NDUFAF2: variants seen among roughly 807,000 people sequenced by gnomAD.
NDUFAF2 encodes NADH dehydrogenase [ubiquinone] 1 alpha subcomplex assembly factor 2.
A neutral mutation model predicts 22.8 loss-of-function variants in NDUFAF2; 13 were observed. That is an observed-to-expected ratio of 0.57 (90% confidence interval 0.37 to 0.91). The LOEUF is 0.91. Ranked by LOEUF, NDUFAF2 falls within the 40% of genes least tolerant of loss-of-function variation. The pLI is 0.01. For missense variants in NDUFAF2, 162 were observed against 195.2 expected (o/e 0.83, Z 1.01); for synonymous variants, 53 against 64.2 (o/e 0.83, Z 0.84).
intron 1 of NDUFAF2, among the ~76,000 whole-genome samples, chr5:60,962,738 C>A (rs1238292357): frequency 1.3e-5 from 2 of 150,812 alleles, no homozygotes; most frequent in African/African-American, 4.9e-5. Context: ...GAGTCTGAGG[C>A]AGGAGAATTG....
At chr5:61,136,300 C>G (rs762370118) in intron 3 of NDUFAF2, among the ~76,000 whole-genome samples, 7 of 151,798 alleles carry the variant, frequency 4.6e-5, no homozygotes, top group Non-Finnish European at 8.8e-5. Context: ...AAGTCTGTTT[C>G]CCAATTTGAT....
chr5:61,132,977 A>C (rs1753131576), intron 3 of NDUFAF2, among the ~76,000 whole-genome samples: 1 of 151,836 alleles, frequency 6.6e-6, no homozygotes, highest in African/African-American at 2.4e-5. Flanking sequence ...CTGTCTTCAT[A>C]ATGGTGGCGG....
At chr5:61,122,219 A>G (rs538350584) in intron 3 of NDUFAF2, among the ~76,000 whole-genome samples, 89 of 152,240 alleles carry the variant, frequency 5.8e-4, no homozygotes, top group African/African-American at 2.0e-3. Flanking sequence ...GCCTTTCTCC[A>G]TAATCATGAG....
At chr5:61,050,441 G>T (rs575506011) in intron 1 of NDUFAF2, 1 of 151,890 alleles carries the variant, frequency 6.6e-6, no homozygotes, top group East Asian at 1.9e-4. Context: ...CTATTGTTGC[G>T]CAAATGATAC....
At chr5:61,015,036 T>C (rs1408488139) in intron 1 of NDUFAF2, among the ~76,000 whole-genome samples, 1 of 152,204 alleles carries the variant, frequency 6.6e-6, no homozygotes, top group Non-Finnish European at 1.5e-5. Flanking sequence ...TCCTTTTTCT[T>C]GTTTGTTACC....
chr5:61,090,851 T>G (rs1399234848), intron 2 of NDUFAF2, among the ~76,000 whole-genome samples: 2 of 152,000 alleles, frequency 1.3e-5, no homozygotes, highest in Non-Finnish European at 2.9e-5. Context: ...TCCTCCACCC[T>G]CCAATAGGCT....
intron 3 of NDUFAF2, among the ~76,000 whole-genome samples, chr5:61,103,535 G>A (rs900294480): frequency 2.6e-5 from 4 of 151,908 alleles, no homozygotes; most frequent in Non-Finnish European, 5.9e-5. Flanking sequence ...ACTATTAGCT[G>A]TTTGGCACAG....
rs1020566670 is a variant in NDUFAF2, at chr5:61,095,826, G to A, written c.218-3166G>A. ...CCTGGCTCCATGTCGCTCCAGGGTG[G>A]GCTGTTGTGCTGTCTTGCTTTTCTT... On this transcript the variant is annotated intron_variant, in intron 2 of 3. Transcript: ENST00000296597. 5.3e-5 allele frequency among the ~76,000 whole-genome samples: 8 copies of A among 152,176 alleles called. No individual in the cohort carries two copies. In the South Asian group the frequency reaches 1.4e-3, roughly 28 times the overall value.
At chr5:61,084,423 T>C (rs1752481099) in intron 2 of NDUFAF2, among the ~76,000 whole-genome samples, 2 of 152,158 alleles carry the variant, frequency 1.3e-5, no homozygotes, top group Non-Finnish European at 2.9e-5. Flanking sequence ...CAGAACTTTT[T>C]TCATCTTCCC....
chr5:61,129,225 G>A (rs1415428485), intron 3 of NDUFAF2, among the ~76,000 whole-genome samples: 3 of 152,314 alleles, frequency 2.0e-5, no homozygotes, highest in Non-Finnish European at 4.4e-5. Flanking sequence ...CATTGTGGAA[G>A]ACAGTGTGGG....
intron 1 of NDUFAF2, among the ~76,000 whole-genome samples, chr5:60,977,153 T>C (rs1175937638): frequency 6.6e-6 from 1 of 151,580 alleles, no homozygotes. Flanking sequence ...ACTGGTGGAG[T>C]GTGGTGGCTC....
At chr5:61,030,742 C>A (rs1291349597) in intron 1 of NDUFAF2, among the ~76,000 whole-genome samples, 1 of 151,988 alleles carries the variant, frequency 6.6e-6, no homozygotes, top group Non-Finnish European at 1.5e-5. Flanking sequence ...GTTTCCTCTT[C>A]TTTCTTCTTT....
At chr5:60,984,106 G>A (rs369924079) in intron 1 of NDUFAF2, among the ~76,000 whole-genome samples, 5 of 152,258 alleles carry the variant, frequency 3.3e-5, no homozygotes, top group South Asian at 4.2e-4. Context: ...TCCTTGAAGA[G>A]GTCCTTCACG....
chr5:60,997,583 A>T lies in NDUFAF2; in HGVS notation c.127+52201A>T, dbSNP rs375680265. Among the ~76,000 whole-genome samples the T allele has an allele frequency of 1.6e-4, 25 of 152,330 alleles. No homozygotes were observed. In the East Asian group the frequency reaches 4.6e-3, roughly 28 times the overall value. ...AAACTGGAAGGTTAGTCTTGACAAC[A>T]TTTTGATATGACATTAGATTTTAAC... On this transcript the variant is annotated intron_variant, in intron 1 of 3. Coordinates refer to ENST00000296597, the MANE Select transcript of NDUFAF2 (RefSeq NM_174889.5).
At chr5:61,134,332 T>C (rs907167412) in intron 3 of NDUFAF2, among the ~76,000 whole-genome samples, 4 of 152,128 alleles carry the variant, frequency 2.6e-5, no homozygotes, top group African/African-American at 7.2e-5. Flanking sequence ...TAGACTTCTT[T>C]TATTATATCT....
Position 61,136,041 on chromosome 5 carries a change from ATC to A in NDUFAF2, c.259-16661_259-16660del, listed in dbSNP as rs1554018961. Among the ~76,000 whole-genome samples, 30 of 108,782 alleles carry A rather than the reference ATC, an allele frequency of 2.8e-4. 1 individual carries two copies. Among genetic ancestry groups the A allele is most frequent in the African/African-American group, 7.4e-4 (21 of 28,248 alleles). 71.4% of individuals were successfully genotyped at this position (108,782 alleles called of 152,430 possible). On this transcript the variant is annotated intron_variant, in intron 3 of 3. Coordinates refer to ENST00000296597, the MANE Select transcript of NDUFAF2 (RefSeq NM_174889.5). Reference sequence around the variant, plus strand: ...TATATATATATATATATATATATATATCTAGGGTGGATTGCTTTTTTTCTCAC... The same window carrying A: ...TATATATATATATATATATATATATATAGGGTGGATTGCTTTTTTTCTCAC...
intron 2 of NDUFAF2, among the ~76,000 whole-genome samples, chr5:61,080,009 T>G (rs1305706866): frequency 6.6e-6 from 1 of 152,212 alleles, no homozygotes; most frequent in African/African-American, 2.4e-5. Flanking sequence ...GATTGTTGTT[T>G]TATGTAATTT....
rs931013760 is a variant in NDUFAF2 at position 60,967,534 on chromosome 5, GT to G, written c.127+22162del. 4.7e-5 allele frequency among the ~76,000 whole-genome samples: 7 copies of G among 148,102 alleles called. No individual in the cohort carries two copies. In the East Asian group the frequency reaches 5.9e-4, roughly 12 times the overall value. On this transcript the variant is annotated intron_variant, in intron 1 of 3. Coordinates refer to ENST00000296597, the MANE Select transcript of NDUFAF2 (RefSeq NM_174889.5). Reference sequence around the variant, plus strand: ...TCCTTTTATACCTAATTTGTTGGAAGTTTTTTTTTTATCATGAAAGAGTGTT... The same window carrying G: ...TCCTTTTATACCTAATTTGTTGGAAGTTTTTTTTTATCATGAAAGAGTGTT...
In NDUFAF2 at chr5:61,091,086, G is replaced by A. The variant is rs192750260; in HGVS notation, c.218-7906G>A. 3.5e-3 allele frequency among the ~76,000 whole-genome samples: 535 copies of A among 152,024 alleles called. 5 individuals carry two copies. The highest frequency in any genetic ancestry group is 4.0e-3 in the Non-Finnish European group (274 of 67,904). ...CCACATTTTCTTTATCCAGTGTATC[G>A]CTGATGAACATTCAGGTTGATTCCA... On this transcript the variant is annotated intron_variant, in intron 2 of 3. Coordinates refer to ENST00000296597, the MANE Select transcript of NDUFAF2 (RefSeq NM_174889.5).
Sources: allele counts gnomAD v4.1 joint callset (sites outside exome capture counted in the v4.1 genomes callset), GRCh38; gene constraint gnomAD v4.1.1; transcripts MANE v1.5; gene names NCBI Gene and HGNC (gene_info 2026-07-23, HGNC 2026-07-21).